The following ERG variants were observed in gnomAD, a reference collection of about 807,000 sequenced individuals.
The protein encoded by ERG is ETS transcription factor ERG, also known as transcriptional regulator ERG.
In ERG, 9 loss-of-function variants were observed where a neutral mutation model predicts 55.3. The observed-to-expected ratio is 0.16, with a 90% CI of 0.10 to 0.28. The LOEUF is 0.28. Ranked by LOEUF, ERG falls within the 10% of genes least tolerant of loss-of-function variation. The pLI, the probability that ERG is intolerant of heterozygous loss-of-function variation, is 1.00. For missense variants in ERG, 434 were observed against 631.6 expected (o/e 0.69, Z 3.35); for synonymous variants, 223 against 237.3 (o/e 0.94, Z 0.55).
chr21:38,661,436 C>T (rs2060555905), intron 1 of ERG, among the ~76,000 whole-genome samples: 1 of 152,132 alleles, frequency 6.6e-6, no homozygotes, highest in Admixed American at 6.5e-5. Flanking sequence ...TGGGGAGGAG[C>T]CGGATACAGC....
chr21:38,552,717 G>GC (rs59911664), intron 2 of ERG, among the ~76,000 whole-genome samples: 76,618 of 151,638 alleles, frequency 0.51, 20,659 homozygotes, highest in Non-Finnish European at 0.62. Context: ...CAAACCCACA[G>GC]CAACACTGTA....
Position 38,442,372 on chromosome 21 carries a change from G to A in ERG, c.236+3032C>T, listed in dbSNP as rs763250500. The stretch of plus-strand genomic sequence containing the variant: ...ATCGTGCCACTTCCCTGCAGCCTGG[G>A]TAAAAAAGAGCAAAACTCCATCTAA... On this transcript the variant is annotated intron_variant, in intron 2 of 9. Coordinates refer to ENST00000288319, the MANE Select transcript of ERG (RefSeq NM_182918.4). Among the ~76,000 whole-genome samples, 7 of 152,252 alleles carry A rather than the reference G, an allele frequency of 4.6e-5. 1 individual carries two copies. Among genetic ancestry groups the A allele is most frequent in the Admixed American group, 1.3e-4 (2 of 15,292 alleles).
chr21:38,504,465 G>C (rs2059445442), intron 2 of ERG, among the ~76,000 whole-genome samples: 1 of 152,212 alleles, frequency 6.6e-6, no homozygotes, highest in African/African-American at 2.4e-5. Context: ...TAAGAGGAGA[G>C]TAATTATTTT....
At chr21:38,398,778 T>C (rs916479567) in intron 6 of ERG, among the ~76,000 whole-genome samples, 10 of 152,238 alleles carry the variant, frequency 6.6e-5, no homozygotes, top group African/African-American at 2.4e-4. Context: ...CTGGCTTGTC[T>C]GACAGAGAGA....
intron 2 of ERG, among the ~76,000 whole-genome samples, chr21:38,527,342 G>A (rs1318307969): frequency 2.0e-5 from 3 of 152,200 alleles, no homozygotes; most frequent in Non-Finnish European, 4.4e-5. Flanking sequence ...TATGTGCTAC[G>A]TCCTGGACCT....
intron 3 of ERG, among the ~76,000 whole-genome samples, chr21:38,405,044 G>A (rs1350887787): frequency 6.6e-6 from 1 of 152,002 alleles, no homozygotes; most frequent in Non-Finnish European, 1.5e-5. Flanking sequence ...CTACATAGAA[G>A]AAAGAAATTA....
intron 1 of ERG, among the ~76,000 whole-genome samples, chr21:38,617,887 A>G (rs1044030241): frequency 4.6e-5 from 7 of 152,174 alleles, no homozygotes; most frequent in African/African-American, 1.4e-4. Flanking sequence ...GAAGGTAGGG[A>G]AGGCCTTTGT....
intron 2 of ERG, among the ~76,000 whole-genome samples, chr21:38,431,278 T>C: frequency 6.6e-6 from 1 of 152,178 alleles, no homozygotes; most frequent in East Asian, 1.9e-4. Context: ...GAAGCCCCAT[T>C]TTCAAGCCCC....
chr21:38,418,030 T>G (rs1330224237), intron 3 of ERG, among the ~76,000 whole-genome samples: 3 of 152,264 alleles, frequency 2.0e-5, no homozygotes, highest in African/African-American at 7.2e-5. Context: ...CTTCATTTTT[T>G]TTTGGAATGT....
intron 2 of ERG, among the ~76,000 whole-genome samples, chr21:38,551,864 C>T (rs1459648365): frequency 2.6e-5 from 4 of 152,036 alleles, no homozygotes; most frequent in Non-Finnish European, 5.9e-5. Context: ...TCCATTTGGT[C>T]AAGTGTCAAG....
intron 1 of ERG, among the ~76,000 whole-genome samples, chr21:38,610,464 T>C (rs1156816660): frequency 6.6e-6 from 1 of 152,198 alleles, no homozygotes; most frequent in Non-Finnish European, 1.5e-5. Flanking sequence ...ATCCATCCAC[T>C]TCTCTGCATT....
intron 1 of ERG, among the ~76,000 whole-genome samples, chr21:38,459,584 A>G (rs2059022015): frequency 6.6e-6 from 1 of 152,156 alleles, no homozygotes; most frequent in Non-Finnish European, 1.5e-5. Context: ...CACCCCCTAA[A>G]CTGGTTATTC....
intron 2 of ERG, among the ~76,000 whole-genome samples, chr21:38,436,020 C>CTTTTTTTTT (rs11384369): frequency 6.8e-5 from 9 of 133,316 alleles, no homozygotes; most frequent in Admixed American, 2.4e-4. Context: ...TTCTTTTTTT[C>CTTTTTTTTT]TTTTTTTTTT....
rs565958905 is a variant in ERG at position 38,637,057 on chromosome 21, C to A, written c.-150+24601G>T. Among the ~76,000 whole-genome samples, 15 of 152,200 alleles carry A rather than the reference C, an allele frequency of 9.9e-5. 1 individual carries two copies. In the South Asian group the frequency reaches 2.7e-3, roughly 27 times the overall value. The stretch of plus-strand genomic sequence containing the variant: ...AGTGGGAGGCAGGCTTGGAACCGCA[C>A]GCTGGTCTGGCTGGTGATAATCTAG... On this transcript the variant is annotated intron_variant, in intron 1 of 10. Transcript: ENST00000398910.
intron 2 of ERG, among the ~76,000 whole-genome samples, chr21:38,518,002 T>A (rs1462083642): frequency 6.6e-6 from 1 of 152,058 alleles, no homozygotes; most frequent in African/African-American, 2.4e-5. Context: ...GGTACAAACA[T>A]ACAGTTAGAT....
intron 1 of ERG, among the ~76,000 whole-genome samples, chr21:38,654,393 A>T (rs2060506335): frequency 6.6e-6 from 1 of 152,208 alleles, no homozygotes; most frequent in Admixed American, 6.5e-5. Flanking sequence ...AATCATTTGC[A>T]CCCAGGCGGT....
intron 2 of ERG, among the ~76,000 whole-genome samples, chr21:38,564,389 G>C (rs529723514): frequency 6.6e-6 from 1 of 151,976 alleles, no homozygotes; most frequent in African/African-American, 2.4e-5. Flanking sequence ...ATCTCATGGG[G>C]TGTTGGAAAA....
At chr21:38,379,758 G>C (rs1439620642), downstream of ERG, among the ~76,000 whole-genome samples, 3 of 152,110 alleles carry the variant, frequency 2.0e-5, no homozygotes, top group African/African-American at 7.2e-5. Context: ...TTTTATTTTT[G>C]AATCAGGGTG....
intron 1 of ERG, among the ~76,000 whole-genome samples, chr21:38,490,726 A>T (rs973505824): frequency 3.3e-5 from 5 of 152,248 alleles, no homozygotes; most frequent in African/African-American, 1.2e-4. Context: ...TAGGGCCAGG[A>T]GAGGTGCGTT....
Sources: allele counts gnomAD v4.1 joint callset (sites outside exome capture counted in the v4.1 genomes callset), GRCh38; gene constraint gnomAD v4.1.1; transcripts MANE v1.5; gene names NCBI Gene and HGNC (gene_info 2026-07-23, HGNC 2026-07-21).